GLG1: variants seen among roughly 807,000 people sequenced by gnomAD.
GLG1 encodes the protein Golgi apparatus protein 1.
A neutral mutation model predicts 160.5 loss-of-function variants in GLG1; 38 were observed. The observed-to-expected ratio is 0.24, with a 90% CI of 0.18 to 0.31. GLG1 has a LOEUF of 0.31. Among genes scored for constraint, GLG1 ranks in the 10% least tolerant of loss-of-function variants. GLG1 has a pLI of 1.00. For synonymous variants in GLG1, 644 were observed against 543.4 expected (o/e 1.19, Z -2.57); for missense variants, 1,373 against 1,505.2 (o/e 0.91, Z 1.45).
In GLG1 at chr16:74,485,810, T is replaced by C; in HGVS notation, c.1557A>G (p.Arg519=). ...SVIQTACKHI[R]SGDPMILSCL... is the part of the protein sequence containing the mutation. Reference sequence around the variant, plus strand: ...AGATAACTTACATTGGGTCTCCAGATCTTATATGTTTGCAGGCTGTCTGGA... The same window carrying C: ...AGATAACTTACATTGGGTCTCCAGACCTTATATGTTTGCAGGCTGTCTGGA... Residue 519 remains arginine (R), a synonymous_variant, in exon 9 of 26, where the codon AGA becomes AGG. Coordinates refer to ENST00000422840, the MANE Select transcript of GLG1 (RefSeq NM_001145667.2). 9 of 1,613,176 alleles carry C rather than the reference T, an allele frequency of 5.6e-6. No individual in the cohort carries two copies. Among genetic ancestry groups the C allele is most frequent in the Middle Eastern group, 1.6e-4 (1 of 6,062 alleles).
intron 16 of GLG1, chr16:74,469,443 T>C (rs918729803): frequency 6.6e-5 from 14 of 211,022 alleles, no homozygotes; most frequent in Admixed American, 3.6e-4. Flanking sequence ...CCTGAGCAAA[T>C]TGGGAATTTG....
intron 23 of GLG1, among the ~76,000 whole-genome samples, chr16:74,459,272 A>G (rs1395989939): frequency 6.6e-6 from 1 of 152,146 alleles, no homozygotes; most frequent in Non-Finnish European, 1.5e-5. Flanking sequence ...AGGTCAGGAG[A>G]TCAAGACCAT....
rs1389376102 is a variant in GLG1, at chr16:74,516,341, T to C, written c.472-7416A>G. Among the ~76,000 whole-genome samples the C allele has an allele frequency of 2.0e-5, 3 of 151,656 alleles. 1 individual carries two copies. The highest frequency in any genetic ancestry group is 7.3e-5 in the African/African-American group (3 of 40,964). On this transcript the variant is annotated intron_variant, in intron 2 of 25. Coordinates refer to ENST00000422840, the MANE Select transcript of GLG1 (RefSeq NM_001145667.2). Reference sequence around the variant, plus strand: ...CTCAGCAAATGTAAAAGAACAGAAATTGTAACAAACTGTCTCTCAGACCAC... The same window carrying C: ...CTCAGCAAATGTAAAAGAACAGAAACTGTAACAAACTGTCTCTCAGACCAC...
Position 74,449,781 on chromosome 16 carries a change from G to A in GLG1, c.*3386C>T, listed in dbSNP as rs2014215033. On this transcript the variant is annotated 3_prime_UTR_variant, in exon 26 of 26. Coordinates refer to ENST00000422840, the MANE Select transcript of GLG1 (RefSeq NM_001145667.2). ...ACTGCAGCTGGGGGTGGTAGCCCGG[G>A]GAAGATCGCTTTCCCGGGGGTGATC... 6.6e-6 allele frequency: 1 copy of A among 152,420 alleles called. No individual in the cohort carries two copies. Among genetic ancestry groups the A allele is most frequent in the Non-Finnish European group, 1.5e-5 (1 of 68,192 alleles). The allele number at this position is 152,420 out of a possible 1,614,324, so 9.4% of individuals were successfully genotyped here. A position where few individuals can be genotyped will look rare whatever the true frequency, so the allele number is the denominator to read the frequency against.
intron 1 of GLG1, among the ~76,000 whole-genome samples, chr16:74,551,904 G>C (rs1476436965): frequency 6.6e-6 from 1 of 151,110 alleles, no homozygotes; most frequent in East Asian, 1.9e-4. Context: ...GTCTAGAATA[G>C]GGAGTTAATT....
chr16:74,579,137 C>T (rs572158312), intron 1 of GLG1, among the ~76,000 whole-genome samples: 9 of 152,164 alleles, frequency 5.9e-5, no homozygotes, highest in African/African-American at 2.2e-4. Flanking sequence ...GCTATGATCG[C>T]GCCACTGCAC....
rs751339639 is a variant in GLG1 at position 74,532,193 on chromosome 16, A to AT, written c.439-41_439-40insA. 428 of 324,946 alleles carry AT rather than the reference A, an allele frequency of 1.3e-3. 1 individual carries two copies. In the African/African-American group the frequency reaches 0.013, roughly 10 times the overall value. The allele number at this position is 324,946 out of a possible 1,614,324, so 20.1% of individuals were successfully genotyped here. A position where few individuals can be genotyped will look rare whatever the true frequency, so the allele number is the denominator to read the frequency against. On this transcript the variant is annotated intron_variant, in intron 1 of 25. Coordinates refer to ENST00000422840, the MANE Select transcript of GLG1 (RefSeq NM_001145667.2). ...AAAGAAGAGATGATGTAAAAAAAAA[A>AT]ATATATATATATATATATAGAGAAC...
intron 1 of GLG1, among the ~76,000 whole-genome samples, chr16:74,591,865 G>C (rs1454858834): frequency 3.3e-5 from 5 of 152,128 alleles, no homozygotes; most frequent in Admixed American, 1.3e-4. Flanking sequence ...AAAAAAAGCA[G>C]TCTTCTGAAC....
intron 8 of GLG1, among the ~76,000 whole-genome samples, chr16:74,486,549 T>TGC (rs1322603145): frequency 6.6e-6 from 1 of 152,242 alleles, no homozygotes; most frequent in Non-Finnish European, 1.5e-5. Context: ...CTTGTCATTA[T>TGC]GCAGCTGGAA....
At chr16:74,507,964 C>T (rs1255578246) in intron 3 of GLG1, among the ~76,000 whole-genome samples, 1 of 151,812 alleles carries the variant, frequency 6.6e-6, no homozygotes, top group Non-Finnish European at 1.5e-5. Context: ...CAACGATATG[C>T]CTTTCTGCTC....
chr16:74,605,183 T>G lies in GLG1; in HGVS notation c.438+1474A>C, dbSNP rs1958537134. On this transcript the variant is annotated intron_variant, in intron 1 of 25. Transcript: ENST00000422840. ...AAATTGGAAATTTGGTCCCTCCACC[T>G]CCCCCCAACCCCCCAAAACCCCCAT... Among the ~76,000 whole-genome samples, 4 of 134,982 alleles carry G rather than the reference T, an allele frequency of 3.0e-5. No homozygotes were observed. The South Asian group carries it at 7.7e-4, about 26-fold the overall frequency. The allele number at this position is 134,982 out of a possible 152,430, so 88.6% of individuals were successfully genotyped here.
rs370306486 is a variant in GLG1 at position 74,462,237 on chromosome 16, C to T, written c.2935-42G>A. 1.5e-4 allele frequency: 149 copies of T among 1,023,522 alleles called. 3 individuals carry two copies. The highest frequency in any genetic ancestry group is 1.3e-3 in the South Asian group (98 of 73,254). The allele number at this position is 1,023,522 out of a possible 1,614,324, so 63.4% of individuals were successfully genotyped here. ...GAGGATACATGGGCTGATCAGAAAACGAAGCTTTTCTACAAAAGCAGGACA... is the reference window on the plus strand; with the variant it reads ...GAGGATACATGGGCTGATCAGAAAATGAAGCTTTTCTACAAAAGCAGGACA... On this transcript the variant is annotated intron_variant, in intron 21 of 25. Transcript: ENST00000422840.
At chr16:74,514,642 A>G (rs2016920785) in intron 2 of GLG1, among the ~76,000 whole-genome samples, 2 of 152,244 alleles carry the variant, frequency 1.3e-5, no homozygotes, top group Admixed American at 1.3e-4. Flanking sequence ...CGAAGGAAGC[A>G]CTAAACATGG....
At chr16:74,486,462 T>A (rs1490318428) in intron 8 of GLG1, among the ~76,000 whole-genome samples, 3 of 152,228 alleles carry the variant, frequency 2.0e-5, no homozygotes, top group African/African-American at 7.2e-5. Flanking sequence ...TATTTATAAT[T>A]TCCCATTTTC....
intron 24 of GLG1, among the ~76,000 whole-genome samples, chr16:74,457,113 G>T (rs1937197032): frequency 6.6e-6 from 1 of 152,152 alleles, no homozygotes. Flanking sequence ...AACGAAAACA[G>T]GCTGGGCATA....
rs772835012 is a variant in GLG1, at chr16:74,462,202, G to A, written c.2935-7C>T. 6.7e-7 allele frequency: 1 copy of A among 1,492,156 alleles called. No homozygotes were observed. The highest frequency in any genetic ancestry group is 9.3e-7 in the Non-Finnish European group (1 of 1,069,794). 92.4% of individuals were successfully genotyped at this position (1,492,156 alleles called of 1,614,324 possible). ...CACAGTCTGAAGACAGGCGCTGCAT[G>A]TGACAAAGGGAGGATACATGGGCTG... On this transcript the variant is annotated splice_region_variant and splice_polypyrimidine_tract_variant and intron_variant, in intron 21 of 25. Coordinates refer to ENST00000422840, the MANE Select transcript of GLG1 (RefSeq NM_001145667.2).
At chr16:74,507,959 A>G (rs1426548753) in intron 3 of GLG1, among the ~76,000 whole-genome samples, 1 of 152,120 alleles carries the variant, frequency 6.6e-6, no homozygotes, top group Non-Finnish European at 1.5e-5. Flanking sequence ...TTTTTCAACG[A>G]TATGCCTTTC....
In GLG1 at chr16:74,462,136, G is replaced by C; in HGVS notation, c.2994C>G (p.Asp998Glu). 2 of 1,609,324 alleles carry C rather than the reference G, an allele frequency of 1.2e-6. No individual in the cohort carries two copies. The highest frequency in any genetic ancestry group is 1.7e-6 in the Non-Finnish European group (2 of 1,175,718). The change falls in exon 22 of 26, where the codon GAC (aspartate) becomes GAG (glutamate). Residue 998 changes from aspartate (D) to glutamate (E), a missense_variant. Asp to Glu is a conservative substitution (Grantham distance 45). Around this residue, in one of 4 missense-constraint regions of GLG1, gnomAD observed 491 missense variants for 632.1 expected, o/e 0.78. Transcript: ENST00000422840. ...GCTGGAGCTGAGGATCCAGGCGGTA[G>C]TCCAGGGCGGACTCCTGGATAATGA... ...IRIIIQESAL[D>E]YRLDPQLQLH...
chr16:74,488,678 A>C (rs2015875949), intron 8 of GLG1, among the ~76,000 whole-genome samples: 1 of 152,026 alleles, frequency 6.6e-6, no homozygotes, highest in African/African-American at 2.4e-5. Context: ...GGAGTGCAGT[A>C]GTGTGATCTC....
Sources: gnomAD v4.1 joint callset for allele counts (sites outside exome capture counted in the v4.1 genomes callset) on GRCh38, gnomAD v4.1.1 for gene constraint, gnomAD v4.1.1 regional missense constraint, MANE v1.5 for transcripts, NCBI Gene and HGNC (gene_info 2026-07-23, HGNC 2026-07-21) for gene names.